The following KLF12 variants were observed in gnomAD, a reference collection of about 807,000 sequenced individuals.
KLF12 encodes the protein KLF transcription factor 12.
In KLF12, 9 loss-of-function variants were observed where a neutral mutation model predicts 37.8. The observed-to-expected ratio is 0.24, with a 90% CI of 0.14 to 0.42. The LOEUF is 0.42. KLF12 is among the 10% of genes least tolerant of loss of function. The pLI is 1.00. For missense variants in KLF12, 411 were observed against 516.0 expected, an observed-to-expected ratio of 0.80 and a Z score of 1.97; for synonymous variants, 208 against 202.1, an observed-to-expected ratio of 1.03 and a Z score of -0.25.
At chr13:73,735,324 T>C (rs1419997564) in intron 6 of KLF12, among the ~76,000 whole-genome samples, 3 of 152,040 alleles carry the variant, frequency 2.0e-5, no homozygotes, top group African/African-American at 7.2e-5. Flanking sequence ...GCTGTTTAGT[T>C]AGTAGTATGA....
chr13:73,996,304 C>G (rs974453692), intron 1 of KLF12, among the ~76,000 whole-genome samples: 5 of 152,224 alleles, frequency 3.3e-5, no homozygotes, highest in Non-Finnish European at 7.3e-5. Context: ...TATAATTCCT[C>G]TATTTAACAT....
intron 3 of KLF12, among the ~76,000 whole-genome samples, chr13:73,855,467 G>A (rs1262304944): frequency 3.3e-5 from 5 of 152,138 alleles, no homozygotes; most frequent in African/African-American, 1.2e-4. Context: ...CGGTGTATAT[G>A]TACCACATTT....
chr13:74,295,971 GACCA>G, the KLF12 span, among the ~76,000 whole-genome samples: 1 of 151,516 alleles, frequency 6.6e-6, no homozygotes, highest in Admixed American at 6.6e-5. Flanking sequence ...GCGCCTCCCT[GACCA>G]ACCAAATTTT....
At chr13:74,287,396 A>AGAGAGAGAGAGAGAGAGAGAGAGAGAG in the KLF12 span, among the ~76,000 whole-genome samples, 1 of 35,840 alleles carries the variant, frequency 2.8e-5, no homozygotes, top group Non-Finnish European at 5.9e-5. Flanking sequence ...GAGAGAGAGA[A>AGAGAGAGAGAGAGAGAGAGAGAGAGAG]TCCACCTCTA....
the KLF12 span, among the ~76,000 whole-genome samples, chr13:74,160,429 T>C: frequency 6.6e-6 from 1 of 152,238 alleles, no homozygotes; most frequent in Non-Finnish European, 1.5e-5. Flanking sequence ...ATATTTTTTG[T>C]TGCAGAGAGA....
At chr13:74,080,846 A>G (rs1328495753) in intron 1 of KLF12, among the ~76,000 whole-genome samples, 3 of 152,208 alleles carry the variant, frequency 2.0e-5, no homozygotes, top group Non-Finnish European at 4.4e-5. Flanking sequence ...TAGGGTGTGG[A>G]TTTTAATACT....
upstream of KLF12, among the ~76,000 whole-genome samples, chr13:74,135,182 T>C (rs1190937368): frequency 2.0e-5 from 3 of 151,738 alleles, no homozygotes; most frequent in South Asian, 2.1e-4. Flanking sequence ...GCGGGATGAA[T>C]GGGGGCGAGG....
intron 7 of KLF12, among the ~76,000 whole-genome samples, chr13:73,702,189 A>G (rs1479415424): frequency 6.6e-6 from 1 of 152,196 alleles, no homozygotes; most frequent in East Asian, 1.9e-4. Flanking sequence ...AAAAACTCAC[A>G]TCAGGGTTTT....
Position 73,691,922 on chromosome 13 carries a change from C to T in KLF12, c.*3568G>A, listed in dbSNP as rs959986259. ...ATAATGAAAACGGCCTTTCTAATCA[C>T]CTGGAACTGGCATTTGTAAACACTG... On this transcript the variant is annotated 3_prime_UTR_variant, in exon 8 of 8. Coordinates refer to ENST00000377669, the MANE Select transcript of KLF12 (RefSeq NM_007249.5). 3 of 152,578 alleles carry T rather than the reference C, an allele frequency of 2.0e-5. No individual in the cohort carries two copies. Among genetic ancestry groups the T allele is most frequent in the African/African-American group, 7.2e-5 (3 of 41,428 alleles). The allele number at this position is 152,578 out of a possible 1,614,324, so 9.5% of individuals were successfully genotyped here. A position where few individuals can be genotyped will look rare whatever the true frequency, so the allele number is the denominator to read the frequency against.
chr13:73,999,887 T>C (rs1892226768), intron 1 of KLF12, among the ~76,000 whole-genome samples: 1 of 152,184 alleles, frequency 6.6e-6, no homozygotes, highest in South Asian at 2.1e-4. Flanking sequence ...GAATGGCATA[T>C]TCCACTCCAT....
At chr13:73,891,367 C>T (rs1887499736) in intron 3 of KLF12, among the ~76,000 whole-genome samples, 1 of 152,058 alleles carries the variant, frequency 6.6e-6, no homozygotes, top group East Asian at 1.9e-4. Flanking sequence ...TTAGAATGAC[C>T]CAGATTAAGA....
At chr13:73,963,928 C>G (rs775807488) in intron 2 of KLF12, among the ~76,000 whole-genome samples, 44 of 152,198 alleles carry the variant, frequency 2.9e-4, no homozygotes, top group Non-Finnish European at 4.9e-4. Context: ...AGATTGTGCC[C>G]CTCAATAACA....
intron 1 of KLF12, among the ~76,000 whole-genome samples, chr13:74,010,723 G>C (rs879916295): frequency 3.3e-5 from 5 of 151,734 alleles, no homozygotes; most frequent in Admixed American, 2.6e-4. Context: ...ATCAAAAAAA[G>C]CTGCATGAAC....
chr13:73,834,693 G>C (rs1233760184), intron 4 of KLF12, among the ~76,000 whole-genome samples: 1 of 152,054 alleles, frequency 6.6e-6, no homozygotes, highest in South Asian at 2.1e-4. Context: ...TGTATTCTTC[G>C]TAGAGACGAG....
chr13:73,950,058 T>C (rs1186158488), intron 2 of KLF12, among the ~76,000 whole-genome samples: 1 of 152,216 alleles, frequency 6.6e-6, no homozygotes, highest in Non-Finnish European at 1.5e-5. Flanking sequence ...TATGGAACAG[T>C]ATCTCTCCTA....
intron 2 of KLF12, among the ~76,000 whole-genome samples, chr13:73,981,573 G>A (rs545989724): frequency 6.6e-6 from 1 of 152,300 alleles, no homozygotes; most frequent in East Asian, 1.9e-4. Context: ...ATGATACATA[G>A]TTTGAACATG....
chr13:73,895,966 G>A (rs185481509), intron 3 of KLF12, among the ~76,000 whole-genome samples: 88 of 152,054 alleles, frequency 5.8e-4, no homozygotes, highest in African/African-American at 1.9e-3. Context: ...GACTACAGCC[G>A]CGTGCCACCA....
chr13:74,263,654 C>T, the KLF12 span, among the ~76,000 whole-genome samples: 3 of 152,136 alleles, frequency 2.0e-5, no homozygotes, highest in East Asian at 1.9e-4. Context: ...GCAGGAGAAT[C>T]GCTTGAACCC....
At chr13:73,815,487 G>A (rs1297636179) in intron 4 of KLF12, among the ~76,000 whole-genome samples, 1 of 152,122 alleles carries the variant, frequency 6.6e-6, no homozygotes, top group Non-Finnish European at 1.5e-5. Flanking sequence ...TATGAATTCA[G>A]CTAGGAACTC....
Sources: allele counts gnomAD v4.1 joint callset (sites outside exome capture counted in the v4.1 genomes callset), GRCh38; gene constraint gnomAD v4.1.1; transcripts MANE v1.5; gene names NCBI Gene and HGNC (gene_info 2026-07-23, HGNC 2026-07-21).